ALK: variants seen among roughly 807,000 people sequenced by gnomAD.
ALK encodes ALK receptor tyrosine kinase, also known as ALK tyrosine kinase receptor.
ALK carries 74 observed loss-of-function variants against 163.1 expected under a neutral mutation model. The observed-to-expected ratio is 0.45, with a 90% CI of 0.38 to 0.55. The LOEUF (loss-of-function observed/expected upper bound fraction) is 0.55. ALK is among the 20% of genes least tolerant of loss of function. ALK has a pLI of 0.00. For missense variants in ALK, 2,063 were observed against 2,105.3 expected, an observed-to-expected ratio of 0.98 and a Z score of 0.39; for synonymous variants, 960 against 843.2, an observed-to-expected ratio of 1.14 and a Z score of -2.40.
intron 1 of ALK, among the ~76,000 whole-genome samples, chr2:29,734,376 C>T (rs57137150): frequency 0.087 from 13,205 of 151,968 alleles, 1,206 homozygotes; most frequent in African/African-American, 0.23. Flanking sequence ...AGATAAAGCT[C>T]GGGGACCACA....
chr2:29,720,404 A>C (rs1309566891), intron 1 of ALK, among the ~76,000 whole-genome samples: 1 of 152,178 alleles, frequency 6.6e-6, no homozygotes, highest in East Asian at 1.9e-4. Flanking sequence ...AGAAAGTCTT[A>C]ACTTGCCCTT....
At position 29,633,697 on chromosome 2, in the gene ALK, G is replaced by A. The variant is rs145253132; in HGVS notation, c.952+61153C>T. Among the ~76,000 whole-genome samples, 1,078 of 151,990 alleles carry A rather than the reference G, an allele frequency of 7.1e-3. 12 individuals carry two copies. Among genetic ancestry groups the A allele is most frequent in the South Asian group, 0.047 (225 of 4,810 alleles). On this transcript the variant is annotated intron_variant, in intron 3 of 28. Coordinates refer to ENST00000389048, the MANE Select transcript of ALK (RefSeq NM_004304.5). ...GCTAGAATGACAAAGGAAAAAAAGA[G>A]AAAATGCAAATTACCAATATGAGGA... is the stretch of plus-strand genomic sequence containing the variant.
chr2:29,225,717 A>T, intron 18 of ALK, 152 bp from the exon 19 acceptor site: 1 of 704,666 alleles, frequency 1.4e-6, no homozygotes. Context: ...TCAGGGGACC[A>T]TGAGCAGGAC....
At chr2:29,547,783 T>C (rs1673596043) in intron 3 of ALK, among the ~76,000 whole-genome samples, 1 of 152,278 alleles carries the variant, frequency 6.6e-6, no homozygotes, top group East Asian at 1.9e-4. Flanking sequence ...TCCTTGCAGA[T>C]AGGAACAGCC....
intron 3 of ALK, among the ~76,000 whole-genome samples, chr2:29,643,315 G>A (rs1477284130): frequency 1.3e-5 from 2 of 152,202 alleles, no homozygotes; most frequent in African/African-American, 4.8e-5. Context: ...ACCACATATA[G>A]TGTGTGGACA....
At chr2:29,876,513 AATG>A (rs1666715648) in intron 1 of ALK, among the ~76,000 whole-genome samples, 1 of 134,820 alleles carries the variant, frequency 7.4e-6, no homozygotes, top group Non-Finnish European at 1.6e-5. Flanking sequence ...TGGTAATGGT[AATG>A]ATGATGGTGA....
intron 26 of ALK, among the ~76,000 whole-genome samples, chr2:29,205,670 CTTCTT>C (rs1444919523): frequency 2.0e-5 from 3 of 152,150 alleles, no homozygotes; most frequent in African/African-American, 7.2e-5. Flanking sequence ...CACACTCCCT[CTTCTT>C]TTGTGTGTGT....
chr2:29,246,472 G>A lies in ALK; in HGVS notation c.2204+4633C>T, dbSNP rs890975331. The stretch of plus-strand genomic sequence containing the variant: ...GCAGTGGCCTCCCACTCTCCCATCC[G>A]CTCCAGCCACCCACCCTCTAGACAC... On this transcript the variant is annotated intron_variant, in intron 12 of 28. Coordinates refer to ENST00000389048, the MANE Select transcript of ALK (RefSeq NM_004304.5). This position sits in a 1 kb window ranked among gnomAD's most constrained non-coding sequence, Gnocchi z 4.3. Among the ~76,000 whole-genome samples, 5 of 152,072 alleles carry A rather than the reference G, an allele frequency of 3.3e-5. No individual in the cohort carries two copies. Among genetic ancestry groups the A allele is most frequent in the African/African-American group, 7.2e-5 (3 of 41,400 alleles).
At chr2:29,663,918 C>A (rs1032023806) in intron 3 of ALK, among the ~76,000 whole-genome samples, 1 of 151,974 alleles carries the variant, frequency 6.6e-6, no homozygotes, top group African/African-American at 2.4e-5. Flanking sequence ...ATGAAACCAC[C>A]CTGAAGGGGA....
chr2:29,417,759 C>T (rs1669915729), intron 4 of ALK, among the ~76,000 whole-genome samples: 1 of 152,198 alleles, frequency 6.6e-6, no homozygotes, highest in Admixed American at 6.5e-5. Context: ...CTATCCCATC[C>T]TTTGTACCTT....
At chr2:29,449,643 G>A (rs1670773110) in intron 4 of ALK, among the ~76,000 whole-genome samples, 2 of 152,238 alleles carry the variant, frequency 1.3e-5, no homozygotes, top group South Asian at 4.1e-4. Flanking sequence ...GGGTCTGTCT[G>A]TAGAAGCTGA....
chr2:29,713,295 G>C (rs750559049), intron 2 of ALK, among the ~76,000 whole-genome samples: 1 of 152,140 alleles, frequency 6.6e-6, no homozygotes, highest in African/African-American at 2.4e-5. Context: ...TCCAAATAAG[G>C]TCACATTCAC....
chr2:29,685,818 C>T (rs1170636585), intron 3 of ALK, among the ~76,000 whole-genome samples: 6 of 152,314 alleles, frequency 3.9e-5, no homozygotes, highest in African/African-American at 1.4e-4. Context: ...AACTGCGTTC[C>T]TTCTGAATGA....
Position 29,229,053 on chromosome 2 carries a change from G to T in ALK, c.2646C>A (p.Gly882=). 1 of 1,613,590 alleles carries T rather than the reference G, an allele frequency of 6.2e-7. No individual in the cohort carries two copies. The highest frequency in any genetic ancestry group is 1.7e-4 in the Middle Eastern group (1 of 6,058). The stretch of plus-strand genomic sequence containing the variant: ...AGAGCAAGGAAGTGTTATCATTCCA[G>T]CCACCTCCACCACCTGCGGGAAGAG... The part of the protein sequence containing the change: ...GNSGAAGGGG[G]WNDNTSLLWA... Residue 882 remains glycine (G), a synonymous_variant, in exon 16 of 29, where the codon GGC becomes GGA. Transcript: ENST00000389048.
At chr2:29,603,882 AC>A in intron 3 of ALK, among the ~76,000 whole-genome samples, 1 of 152,260 alleles carries the variant, frequency 6.6e-6, no homozygotes, top group East Asian at 1.9e-4. Context: ...CTTTGCACCC[AC>A]TTGACTTGCC....
At chr2:29,196,501 T>G (rs1669026179) in intron 28 of ALK, among the ~76,000 whole-genome samples, 2 of 152,254 alleles carry the variant, frequency 1.3e-5, no homozygotes, top group Non-Finnish European at 2.9e-5. Flanking sequence ...CAGTAGGGAC[T>G]TGATAAATTC....
chr2:29,639,862 T>A (rs940360066), intron 3 of ALK, among the ~76,000 whole-genome samples: 3 of 152,206 alleles, frequency 2.0e-5, no homozygotes, highest in Non-Finnish European at 2.9e-5. Flanking sequence ...CAACATCCTA[T>A]GAAAGTTCAG....
intron 4 of ALK, among the ~76,000 whole-genome samples, chr2:29,510,321 C>A (rs1046549894): frequency 2.6e-5 from 4 of 152,100 alleles, no homozygotes; most frequent in Admixed American, 2.6e-4. Flanking sequence ...TATTTTAAAT[C>A]ATAAAAATAA....
intron 1 of ALK, among the ~76,000 whole-genome samples, chr2:29,873,476 T>C (rs1164360526): frequency 1.3e-5 from 2 of 152,020 alleles, no homozygotes; most frequent in Non-Finnish European, 2.9e-5. Context: ...AAACCTGGAA[T>C]GGTGATGGGG....
Sources: gnomAD v4.1 joint callset for allele counts (sites outside exome capture counted in the v4.1 genomes callset) on GRCh38, gnomAD v4.1.1 for gene constraint, Gnocchi (gnomAD v3.1) non-coding constraint, MANE v1.5 for transcripts, NCBI Gene and HGNC (gene_info 2026-07-23, HGNC 2026-07-21) for gene names.